The following CHCHD6 variants were observed in gnomAD, a reference collection of about 807,000 sequenced individuals.
CHCHD6 encodes the protein MICOS complex subunit MIC25.
A neutral mutation model predicts 32.3 loss-of-function variants in CHCHD6; 28 were observed. The ratio of observed to expected loss-of-function variants is 0.87; its 90% confidence interval spans 0.64 to 1.19. The LOEUF (loss-of-function observed/expected upper bound fraction) is 1.19. Among genes scored for constraint, CHCHD6 ranks in the 50% most tolerant of loss-of-function variants. The probability of loss-of-function intolerance (pLI) is 0.00; values close to 1 mark genes in which losing one functional copy is unlikely to be tolerated. For synonymous variants in CHCHD6, 122 were observed against 117.5 expected (o/e 1.04, Z -0.25); for missense variants, 333 against 307.0 (o/e 1.08, Z -0.63).
At chr3:126,860,294 C>T (rs1012882817) in intron 5 of CHCHD6, among the ~76,000 whole-genome samples, 3 of 152,158 alleles carry the variant, frequency 2.0e-5, no homozygotes, top group Admixed American at 2.0e-4. Context: ...CACTCTTTAA[C>T]CTGCTGAGTG....
At chr3:126,943,874 G>A (rs1216285552) in intron 6 of CHCHD6, among the ~76,000 whole-genome samples, 1 of 152,212 alleles carries the variant, frequency 6.6e-6, no homozygotes, top group African/African-American at 2.4e-5. Context: ...TTTAGGTTAT[G>A]AGTGAGCTGC....
chr3:126,818,067 G>A (rs1576453554), intron 4 of CHCHD6, among the ~76,000 whole-genome samples: 1 of 152,142 alleles, frequency 6.6e-6, no homozygotes, highest in Non-Finnish European at 1.5e-5. Flanking sequence ...ACTGAGTGAG[G>A]GGCCTGTAAA....
chr3:126,877,033 C>T (rs934481207), intron 5 of CHCHD6, among the ~76,000 whole-genome samples: 3 of 152,068 alleles, frequency 2.0e-5, no homozygotes, highest in African/African-American at 7.3e-5. Context: ...GAATTAACAA[C>T]CACTAATTGA....
At chr3:126,842,810 CTTTTTT>C (rs63135461) in intron 4 of CHCHD6, among the ~76,000 whole-genome samples, 3 of 94,658 alleles carry the variant, frequency 3.2e-5, no homozygotes, top group African/African-American at 1.1e-4. Context: ...CACTGAAATT[CTTTTTT>C]TTTTTTTTTT....
intron 5 of CHCHD6, among the ~76,000 whole-genome samples, chr3:126,861,264 T>C (rs548479214): frequency 6.6e-6 from 1 of 152,140 alleles, no homozygotes; most frequent in African/African-American, 2.4e-5. Flanking sequence ...AGTGTGAGGA[T>C]AGTGGTTAAG....
chr3:126,736,582 T>A (rs574743220), intron 4 of CHCHD6, among the ~76,000 whole-genome samples: 1 of 152,058 alleles, frequency 6.6e-6, no homozygotes, highest in South Asian at 2.1e-4. Context: ...CATCTTATTA[T>A]TGGGAAAAGT....
chr3:126,837,265 G>A (rs1576474843), intron 4 of CHCHD6, among the ~76,000 whole-genome samples: 1 of 152,098 alleles, frequency 6.6e-6, no homozygotes, highest in East Asian at 1.9e-4. Flanking sequence ...CATTTTTCTT[G>A]CCTTTAAAGT....
intron 4 of CHCHD6, among the ~76,000 whole-genome samples, chr3:126,762,511 C>T (rs1455176910): frequency 6.6e-6 from 1 of 152,106 alleles, no homozygotes; most frequent in Non-Finnish European, 1.5e-5. Flanking sequence ...CTTATGATTT[C>T]TGTCTTCTAA....
chr3:126,747,776 C>T (rs1035760035), intron 4 of CHCHD6, among the ~76,000 whole-genome samples: 1 of 152,180 alleles, frequency 6.6e-6, no homozygotes, highest in African/African-American at 2.4e-5. Context: ...TTTCCAGAGA[C>T]TTCCTCCATG....
intron 4 of CHCHD6, among the ~76,000 whole-genome samples, chr3:126,786,253 G>A (rs1938206187): frequency 6.6e-6 from 1 of 152,176 alleles, no homozygotes; most frequent in Non-Finnish European, 1.5e-5. Context: ...TTGGTTCCAA[G>A]TCTTTGCTAT....
intron 4 of CHCHD6, among the ~76,000 whole-genome samples, chr3:126,790,473 A>C (rs1351148573): frequency 1.3e-5 from 2 of 152,182 alleles, no homozygotes; most frequent in Admixed American, 1.3e-4. Flanking sequence ...TCAGACGTAG[A>C]TTTGGTCCTT....
chr3:126,770,017 G>A (rs1461264628), intron 4 of CHCHD6, among the ~76,000 whole-genome samples: 1 of 152,050 alleles, frequency 6.6e-6, no homozygotes, highest in Non-Finnish European at 1.5e-5. Flanking sequence ...TTTGAGCCAT[G>A]TTTTGTTTTG....
intron 6 of CHCHD6, among the ~76,000 whole-genome samples, chr3:126,944,900 G>A (rs550636560): frequency 1.3e-5 from 2 of 152,332 alleles, no homozygotes; most frequent in East Asian, 1.9e-4. Flanking sequence ...GGAATGCCTC[G>A]CTGTGGAGTT....
At chr3:126,852,519 G>T in intron 4 of CHCHD6, 128 bp from the exon 5 acceptor site, 1 of 668,452 alleles carries the variant, frequency 1.5e-6, no homozygotes, top group Non-Finnish European at 2.7e-6. Flanking sequence ...ATATCATAAG[G>T]TTTTCAACTC....
At chr3:126,788,050 G>T (rs1347777211) in intron 4 of CHCHD6, among the ~76,000 whole-genome samples, 2 of 152,086 alleles carry the variant, frequency 1.3e-5, no homozygotes, top group Non-Finnish European at 2.9e-5. Flanking sequence ...GTTGAATTTT[G>T]TCAAAGGCCT....
At chr3:126,931,315 A>C (rs755463487) in intron 6 of CHCHD6, among the ~76,000 whole-genome samples, 1 of 152,210 alleles carries the variant, frequency 6.6e-6, no homozygotes, top group Non-Finnish European at 1.5e-5. Context: ...GGTTCAGCAC[A>C]TGAAGGTGGA....
intron 6 of CHCHD6, among the ~76,000 whole-genome samples, chr3:126,937,150 G>A (rs2078492199): frequency 6.6e-6 from 1 of 152,226 alleles, no homozygotes; most frequent in African/African-American, 2.4e-5. Flanking sequence ...AAGTGCCTTT[G>A]CCTAGGTCAG....
At chr3:126,903,336 T>C (rs1280157586) in intron 5 of CHCHD6, among the ~76,000 whole-genome samples, 3 of 152,158 alleles carry the variant, frequency 2.0e-5, no homozygotes, top group Non-Finnish European at 4.4e-5. Context: ...CCTCAGGGCA[T>C]AACGTTGTCC....
intron 5 of CHCHD6, among the ~76,000 whole-genome samples, chr3:126,862,108 C>T (rs1219982961): frequency 1.0e-4 from 4 of 39,244 alleles, no homozygotes; most frequent in Non-Finnish European, 1.3e-4. Context: ...CACCACCTTC[C>T]CCTCTACCAC....
Sources: allele counts gnomAD v4.1 joint callset (sites outside exome capture counted in the v4.1 genomes callset), GRCh38; gene constraint gnomAD v4.1.1; transcripts MANE v1.5; gene names NCBI Gene and HGNC (gene_info 2026-07-23, HGNC 2026-07-21).